SBF2: variants seen among roughly 807,000 people sequenced by gnomAD.
The protein encoded by SBF2 is myotubularin-related protein 13.
Under a neutral mutation model 225.2 loss-of-function variants are expected in SBF2, and 112 were observed. The ratio of observed to expected loss-of-function variants is 0.50; its 90% CI spans 0.43 to 0.58. The LOEUF (loss-of-function observed/expected upper bound fraction) is 0.58. Among genes scored for constraint, SBF2 ranks in the 20% least tolerant of loss-of-function variants. The pLI is 0.00. For synonymous variants in SBF2, 763 were observed against 773.3 expected (o/e 0.99, Z 0.22); for missense variants, 1,996 against 2,206.2 (o/e 0.90, Z 1.91).
intron 2 of SBF2, among the ~76,000 whole-genome samples, chr11:10,118,901 A>AG (rs1953296709): frequency 8.7e-6 from 1 of 114,774 alleles, no homozygotes; most frequent in Non-Finnish European, 2.0e-5. Flanking sequence ...AAGTACTGGA[A>AG]GAAAAAAAAA....
chr11:10,227,176 T>C (rs996358194), intron 1 of SBF2, among the ~76,000 whole-genome samples: 4 of 151,934 alleles, frequency 2.6e-5, no homozygotes, highest in Non-Finnish European at 5.9e-5. Flanking sequence ...GGGGTTGTTT[T>C]TTTCTTGTAA....
At chr11:9,874,014 G>A (rs1859006809) in intron 17 of SBF2, among the ~76,000 whole-genome samples, 1 of 151,840 alleles carries the variant, frequency 6.6e-6, no homozygotes. Flanking sequence ...AGCCGAGATT[G>A]AGCCACTACA....
At chr11:10,120,931 A>AT (rs1392365917) in intron 2 of SBF2, among the ~76,000 whole-genome samples, 1 of 151,208 alleles carries the variant, frequency 6.6e-6, no homozygotes, top group African/African-American at 2.4e-5. Flanking sequence ...TGCCCGGCTA[A>AT]TTTTTTATAT....
rs575479375 is a variant in SBF2, at chr11:10,076,582, C to T, written c.142-33601G>A. Among the ~76,000 whole-genome samples the T allele has an allele frequency of 8.0e-4, 122 of 152,230 alleles. 1 individual carries two copies. Among genetic ancestry groups the T allele is most frequent in the Non-Finnish European group, 1.1e-3 (77 of 68,012 alleles). On this transcript the variant is annotated intron_variant, in intron 2 of 39. Coordinates refer to ENST00000256190, the MANE Select transcript of SBF2 (RefSeq NM_030962.4). ...AGGGAGGGAGCTTTGAGACCTGGGG[C>T]GATGTTACAATCTGAAGAAAGACTG...
At chr11:10,044,541 C>T (rs968558025) in intron 2 of SBF2, 1 of 216,864 alleles carries the variant, frequency 4.6e-6, no homozygotes, top group Non-Finnish European at 9.0e-6. Context: ...GATTCACCAC[C>T]AGACTGGGAA....
At chr11:10,052,751 TACAA>T (rs1248299828) in intron 2 of SBF2, among the ~76,000 whole-genome samples, 8 of 152,304 alleles carry the variant, frequency 5.3e-5, no homozygotes, top group Non-Finnish European at 8.8e-5. Context: ...AGACTCATTC[TACAA>T]ACAATGAAAC....
intron 23 of SBF2, among the ~76,000 whole-genome samples, chr11:9,846,222 T>C (rs1423676467): frequency 6.6e-6 from 1 of 152,114 alleles, no homozygotes; most frequent in African/African-American, 2.4e-5. Context: ...TGCTTTCAGG[T>C]GATGAGAGAA....
intron 1 of SBF2, among the ~76,000 whole-genome samples, chr11:10,246,449 A>G (rs1446179791): frequency 6.6e-6 from 1 of 151,962 alleles, no homozygotes; most frequent in Non-Finnish European, 1.5e-5. Flanking sequence ...ATGCCCAGCT[A>G]ATTTTGGTAT....
chr11:9,992,879 A>G, intron 11 of SBF2, 111 bp downstream of exon 11: 1 of 745,838 alleles, frequency 1.3e-6, no homozygotes. Context: ...ATTTTAAATA[A>G]TCACATTTGA....
At chr11:10,092,552 A>G (rs1951827024) in intron 2 of SBF2, among the ~76,000 whole-genome samples, 1 of 152,234 alleles carries the variant, frequency 6.6e-6, no homozygotes, top group African/African-American at 2.4e-5. Flanking sequence ...CCATGCAATC[A>G]TATAACTCCA....
At chr11:10,277,252 T>TAAACAAACAAACAAAC (rs61700623) in intron 1 of SBF2, among the ~76,000 whole-genome samples, 2,398 of 151,634 alleles carry the variant, frequency 0.016, 22 homozygotes, top group African/African-American at 0.019. Flanking sequence ...ACTCTGTCTC[T>TAAACAAACAAACAAAC]AAACAAACAA....
chr11:10,076,788 C>T (rs1295383217), intron 2 of SBF2, among the ~76,000 whole-genome samples: 1 of 152,206 alleles, frequency 6.6e-6, no homozygotes, highest in Non-Finnish European at 1.5e-5. Context: ...TCTGCTCCTC[C>T]CTCGAGCATT....
At chr11:9,924,662 C>A (rs1031049909) in intron 16 of SBF2, among the ~76,000 whole-genome samples, 2 of 152,126 alleles carry the variant, frequency 1.3e-5, no homozygotes, top group Non-Finnish European at 2.9e-5. Flanking sequence ...AAACTCCTGA[C>A]CTCAGGCGAT....
chr11:9,798,812 C>T (rs562776644), intron 32 of SBF2, among the ~76,000 whole-genome samples: 4 of 151,888 alleles, frequency 2.6e-5, no homozygotes, highest in East Asian at 3.9e-4. Flanking sequence ...TTTAGCTGGG[C>T]GTGGTGGCGG....
chr11:10,245,532 T>G (rs528695020), intron 1 of SBF2, among the ~76,000 whole-genome samples: 8 of 152,276 alleles, frequency 5.3e-5, no homozygotes, highest in Admixed American at 5.2e-4. Flanking sequence ...AAGTGACCCT[T>G]TGTATACTGT....
intron 16 of SBF2, among the ~76,000 whole-genome samples, chr11:9,940,461 G>A (rs905284425): frequency 6.6e-6 from 1 of 152,144 alleles, no homozygotes; most frequent in African/African-American, 2.4e-5. Flanking sequence ...TGGTGGTGGT[G>A]CAGCCAGTCT....
At chr11:10,300,766 T>C (rs1964588899) in intron 1 of SBF2, among the ~76,000 whole-genome samples, 1 of 152,014 alleles carries the variant, frequency 6.6e-6, no homozygotes, top group Non-Finnish European at 1.5e-5. Context: ...CAGGTATTAT[T>C]GTAACAAGCT....
chr11:10,238,997 CA>C (rs1959173323), intron 1 of SBF2, among the ~76,000 whole-genome samples: 1 of 150,504 alleles, frequency 6.6e-6, no homozygotes, highest in Non-Finnish European at 1.5e-5. Context: ...AACATGTGAA[CA>C]AACAAAACAG....
chr11:10,266,966 T>C (rs564131579), intron 1 of SBF2, among the ~76,000 whole-genome samples: 1 of 152,286 alleles, frequency 6.6e-6, no homozygotes, highest in South Asian at 2.1e-4. Context: ...TAGTGGCACA[T>C]GCCTTTAATC....
Sources: gnomAD v4.1 joint callset for allele counts (sites outside exome capture counted in the v4.1 genomes callset) on GRCh38, gnomAD v4.1.1 for gene constraint, MANE v1.5 for transcripts, NCBI Gene and HGNC (gene_info 2026-07-23, HGNC 2026-07-21) for gene names.